The following PRKCA variants were observed in gnomAD, a reference collection of about 807,000 sequenced individuals.
PRKCA encodes protein kinase C alpha, also known as protein kinase C alpha type.
Under a neutral mutation model 87.0 loss-of-function variants are expected in PRKCA, and 27 were observed. The ratio of observed to expected loss-of-function variants is 0.31; its 90% CI spans 0.23 to 0.43. The LOEUF (loss-of-function observed/expected upper bound fraction) is 0.43. Among genes scored for constraint, PRKCA ranks in the 20% least tolerant of loss-of-function variants. The pLI is 1.00. For synonymous variants in PRKCA, 329 were observed against 311.1 expected, an observed-to-expected ratio of 1.06 and a Z score of -0.61; for missense variants, 518 against 852.3, an observed-to-expected ratio of 0.61 and a Z score of 4.88.
At chr17:66,797,394 C>T (rs748841272) in intron 16 of PRKCA, among the ~76,000 whole-genome samples, 12 of 152,196 alleles carry the variant, frequency 7.9e-5, no homozygotes, top group East Asian at 1.9e-4. Flanking sequence ...ATATCAAAAA[C>T]GACAAAGGAG....
In PRKCA at chr17:66,759,116, A is replaced by T. The variant is rs190921015; in HGVS notation, c.1525-14871A>T. 1.8e-3 allele frequency among the ~76,000 whole-genome samples: 281 copies of T among 152,266 alleles called. 1 individual carries two copies. The highest frequency in any genetic ancestry group is 8.9e-3 in the Admixed American group (136 of 15,280). ...ATGCCTGTAATCCTAGCACTTTGGG[A>T]GGCCGAGGCGGGCGGATTACAAGGT... On this transcript the variant is annotated intron_variant, in intron 13 of 16. Coordinates refer to ENST00000413366, the MANE Select transcript of PRKCA (RefSeq NM_002737.3).
intron 2 of PRKCA, among the ~76,000 whole-genome samples, chr17:66,402,150 C>T (rs1454968044): frequency 6.6e-6 from 1 of 152,130 alleles, no homozygotes; most frequent in Non-Finnish European, 1.5e-5. Context: ...TGGTCAGGAA[C>T]TTCAGATGTA....
chr17:66,570,174 A>C (rs1287108076), intron 3 of PRKCA, among the ~76,000 whole-genome samples: 3 of 152,222 alleles, frequency 2.0e-5, no homozygotes, highest in African/African-American at 7.2e-5. Context: ...AAAAGAGGCA[A>C]CACTCATCTC....
At chr17:66,572,247 A>G (rs1220198148) in intron 3 of PRKCA, among the ~76,000 whole-genome samples, 2 of 152,164 alleles carry the variant, frequency 1.3e-5, no homozygotes, top group East Asian at 3.9e-4. Context: ...TGGGCGGATC[A>G]CCTGAGGTCA....
intron 8 of PRKCA, among the ~76,000 whole-genome samples, chr17:66,698,099 T>C (rs1972970070): frequency 6.6e-6 from 1 of 152,218 alleles, no homozygotes; most frequent in Non-Finnish European, 1.5e-5. Flanking sequence ...GGTGAAGGCA[T>C]TTCTCTCCTG....
At chr17:66,709,896 C>T (rs897369113) in intron 8 of PRKCA, among the ~76,000 whole-genome samples, 7 of 151,984 alleles carry the variant, frequency 4.6e-5, no homozygotes, top group East Asian at 1.9e-4. Context: ...TCATGGTAAG[C>T]GGGTTTGGTT....
intron 3 of PRKCA, chr17:66,554,615 T>C: frequency 1.2e-6 from 1 of 856,066 alleles, no homozygotes; most frequent in Non-Finnish European, 1.4e-6. Flanking sequence ...AAAGGACTTT[T>C]TTTTGGTGGG....
rs1353871194 is a variant in PRKCA at position 66,302,756 on chromosome 17, C to T, written c.-96C>T. ...CCGGCCCGCGCCCCGCGCCCGGGGT[C>T]GCCCCGAGCCCGCACCTCTCCCCCG... On this transcript the variant is annotated 5_prime_UTR_variant, in exon 1 of 17. Transcript: ENST00000413366. The T allele has an allele frequency of 3.0e-6, 3 of 1,010,278 alleles. No homozygotes were observed. The highest frequency in any genetic ancestry group is 1.7e-5 in the African/African-American group (1 of 57,356). The allele number at this position is 1,010,278 out of a possible 1,614,324, so 62.6% of individuals were successfully genotyped here.
chr17:66,403,079 AAC>A (rs1336371946), intron 2 of PRKCA, among the ~76,000 whole-genome samples: 2 of 152,138 alleles, frequency 1.3e-5, no homozygotes, highest in African/African-American at 4.8e-5. Flanking sequence ...CTGTTATTTT[AAC>A]AGTGTTATAT....
At chr17:66,457,772 C>T (rs1311238488) in intron 2 of PRKCA, among the ~76,000 whole-genome samples, 1 of 152,132 alleles carries the variant, frequency 6.6e-6, no homozygotes, top group African/African-American at 2.4e-5. Flanking sequence ...TTGTAAGTTT[C>T]CTGAGGCCTC....
intron 2 of PRKCA, among the ~76,000 whole-genome samples, chr17:66,389,751 A>T (rs1467694789): frequency 6.6e-6 from 1 of 152,226 alleles, no homozygotes; most frequent in Non-Finnish European, 1.5e-5. Flanking sequence ...GATCAAGTTC[A>T]TCTATTGTTT....
intron 16 of PRKCA, chr17:66,796,591 C>A (rs964883373): frequency 1.0e-6 from 1 of 985,148 alleles, no homozygotes; most frequent in East Asian, 1.1e-4. Context: ...TGGTCATGCA[C>A]GTAGCCCGTT....
intron 8 of PRKCA, among the ~76,000 whole-genome samples, chr17:66,724,072 G>T (rs1489412163): frequency 3.3e-5 from 5 of 152,126 alleles, no homozygotes; most frequent in African/African-American, 1.2e-4. Flanking sequence ...CCCACCCAAA[G>T]ATTTTGTTTA....
intron 2 of PRKCA, among the ~76,000 whole-genome samples, chr17:66,470,387 C>T (rs1041488900): frequency 9.3e-6 from 1 of 107,658 alleles, no homozygotes; most frequent in South Asian, 2.7e-4. Context: ...CGCCACCATG[C>T]CCGTCTATTT....
In PRKCA at chr17:66,695,235, AC is replaced by A. The variant is rs758932548; in HGVS notation, c.918+6192del. On this transcript the variant is annotated intron_variant, in intron 8 of 16. Coordinates refer to ENST00000413366, the MANE Select transcript of PRKCA (RefSeq NM_002737.3). ...AGAAATCAAGCCAGAAGGGCAAATAACCCCAGCCATGGACCTGGCTCCCTGG... is the reference window on the plus strand; with the variant it reads ...AGAAATCAAGCCAGAAGGGCAAATAACCCAGCCATGGACCTGGCTCCCTGG... Among the ~76,000 whole-genome samples the A allele has an allele frequency of 1.3e-3, 199 of 152,244 alleles. 1 individual carries two copies. Among genetic ancestry groups the A allele is most frequent in the Middle Eastern group, 3.4e-3 (1 of 294 alleles).
intron 2 of PRKCA, among the ~76,000 whole-genome samples, chr17:66,475,112 AG>A (rs1168987555): frequency 6.6e-6 from 1 of 152,170 alleles, no homozygotes; most frequent in Non-Finnish European, 1.5e-5. Flanking sequence ...CTTCCCTTTC[AG>A]GTGAATCCCC....
At chr17:66,581,660 A>T (rs190686446) in intron 3 of PRKCA, among the ~76,000 whole-genome samples, 21 of 152,224 alleles carry the variant, frequency 1.4e-4, no homozygotes, top group African/African-American at 5.1e-4. Context: ...TATTTTTAAT[A>T]GAGATAGGGT....
rs1357908257 is a variant in PRKCA at position 66,396,191 on chromosome 17, T to C, written c.205+90064T>C. Among the ~76,000 whole-genome samples, 3 of 152,200 alleles carry C rather than the reference T, an allele frequency of 2.0e-5. No individual in the cohort carries two copies. In the South Asian group the frequency reaches 6.2e-4, roughly 32 times the overall value. ...CTTGTTGAATGAAATTAGAATAATTTCCATCTGAGTTTTTCAGGTTCAGCT... is the reference window on the plus strand; with the variant it reads ...CTTGTTGAATGAAATTAGAATAATTCCCATCTGAGTTTTTCAGGTTCAGCT... On this transcript the variant is annotated intron_variant, in intron 2 of 16. Transcript: ENST00000413366.
intron 2 of PRKCA, among the ~76,000 whole-genome samples, chr17:66,393,642 G>A (rs545525186): frequency 2.9e-3 from 59 of 20,278 alleles, no homozygotes; most frequent in African/African-American, 6.3e-3. Flanking sequence ...GTGTGTGCAC[G>A]TGTGTGTGTG....
Sources: allele counts gnomAD v4.1 joint callset (sites outside exome capture counted in the v4.1 genomes callset), GRCh38; gene constraint gnomAD v4.1.1; transcripts MANE v1.5; gene names NCBI Gene and HGNC (gene_info 2026-07-23, HGNC 2026-07-21).